Variants in USP12 observed in about 807,000 individuals in gnomAD.
The protein encoded by USP12 is ubiquitin specific peptidase 12, also known as ubiquitin carboxyl-terminal hydrolase 12.
USP12 carries 19 observed loss-of-function variants against 45.5 expected under a neutral mutation model. That is an observed-to-expected ratio of 0.42 (90% CI 0.29 to 0.61). The LOEUF is 0.61. USP12 is among the 20% of genes least tolerant of loss of function. The probability of loss-of-function intolerance (pLI) is 0.22; values close to 1 mark genes in which losing one functional copy is unlikely to be tolerated. For missense variants in USP12, 242 were observed against 447.7 expected (o/e 0.54, Z 4.15); for synonymous variants, 149 against 148.8 (o/e 1.00, Z -0.01).
chr13:27,133,911 C>T (rs955556674), intron 1 of USP12, among the ~76,000 whole-genome samples: 1 of 152,222 alleles, frequency 6.6e-6, no homozygotes, highest in African/African-American at 2.4e-5. Context: ...GCAATAGGAT[C>T]ACGTGAGCCC....
Position 27,171,716 on chromosome 13 carries a change from C to T in USP12, c.-77G>A, listed in dbSNP as rs1451036604. On this transcript the variant is annotated 5_prime_UTR_variant, in exon 1 of 9. Coordinates refer to ENST00000282344, the MANE Select transcript of USP12 (RefSeq NM_182488.4). ...GGAGGGGAGCCGGGCCGCCCGCTCG[C>T]ACCGCAGCCCGCGGGCGGACCCCGA... 7.1e-6 allele frequency: 7 copies of T among 983,182 alleles called. No individual in the cohort carries two copies. The highest frequency in any genetic ancestry group is 8.9e-6 in the Non-Finnish European group (7 of 784,292). 60.9% of individuals were successfully genotyped at this position (983,182 alleles called of 1,614,324 possible).
chr13:27,097,206 C>G (rs1874627648), intron 3 of USP12, among the ~76,000 whole-genome samples: 1 of 151,040 alleles, frequency 6.6e-6, no homozygotes, highest in Non-Finnish European at 1.5e-5. Flanking sequence ...GTGGCTCATG[C>G]CTATAATCCA....
At position 27,066,427 on chromosome 13, in the gene USP12, TA is replaced by T. The variant is rs1297125693; in HGVS notation, c.*2855del. ...AAATACCTCATGATAGAATCTTTAA[TA>T]AAAAGTGTTTTTAAAGAAAGTATCA... is the stretch of plus-strand genomic sequence containing the variant. On this transcript the variant is annotated 3_prime_UTR_variant, in exon 9 of 9. Transcript: ENST00000282344. The T allele has an allele frequency of 6.6e-6, 1 of 152,238 alleles. No individual in the cohort carries two copies. Among genetic ancestry groups the T allele is most frequent in the African/African-American group, 2.4e-5 (1 of 41,530 alleles). 9.4% of individuals were successfully genotyped at this position (152,238 alleles called of 1,614,324 possible).
intron 1 of USP12, among the ~76,000 whole-genome samples, chr13:27,155,287 T>C (rs995641609): frequency 6.6e-6 from 1 of 151,900 alleles, no homozygotes; most frequent in Admixed American, 6.6e-5. Context: ...TTCACCATGT[T>C]GGCCAAGATG....
At chr13:27,120,306 T>C (rs1875924763) in intron 1 of USP12, among the ~76,000 whole-genome samples, 1 of 152,194 alleles carries the variant, frequency 6.6e-6, no homozygotes, top group Admixed American at 6.5e-5. Context: ...CAATAGCTTT[T>C]ATGAAATCAG....
intron 1 of USP12, among the ~76,000 whole-genome samples, chr13:27,151,059 T>C (rs1181594748): frequency 6.6e-6 from 1 of 152,188 alleles, no homozygotes; most frequent in Admixed American, 6.5e-5. Flanking sequence ...CCAGACGCTG[T>C]GGCTCACATC....
chr13:27,070,540 C>A (rs1439142347), intron 8 of USP12, among the ~76,000 whole-genome samples: 1 of 150,076 alleles, frequency 6.7e-6, no homozygotes, highest in Non-Finnish European at 1.5e-5. Flanking sequence ...TTGTTGAAAG[C>A]TTTCCCTTGT....
At chr13:27,077,896 T>G (rs1397964310) in intron 6 of USP12, 1 of 151,258 alleles carries the variant, frequency 6.6e-6, no homozygotes, top group Non-Finnish European at 1.5e-5. Flanking sequence ...TCTTGATCAC[T>G]GTCATTGTTT....
chr13:27,098,387 AC>A, intron 3 of USP12, among the ~76,000 whole-genome samples: 1 of 152,186 alleles, frequency 6.6e-6, no homozygotes, highest in Non-Finnish European at 1.5e-5. Flanking sequence ...CCTTTACAAA[AC>A]AAGAAAAAAA....
intron 6 of USP12, among the ~76,000 whole-genome samples, chr13:27,077,035 C>T (rs546987500): frequency 6.6e-6 from 1 of 152,078 alleles, no homozygotes; most frequent in African/African-American, 2.4e-5. Flanking sequence ...AGTTCTTTTA[C>T]ATTGTAAAAA....
chr13:27,114,690 T>C (rs1593191926), intron 2 of USP12, among the ~76,000 whole-genome samples: 1 of 151,986 alleles, frequency 6.6e-6, no homozygotes, highest in Non-Finnish European at 1.5e-5. Context: ...AAACAGGTTG[T>C]CATTAAAGCA....
chr13:27,085,429 C>T (rs1183271352), intron 6 of USP12, among the ~76,000 whole-genome samples: 1 of 152,134 alleles, frequency 6.6e-6, no homozygotes, highest in East Asian at 1.9e-4. Flanking sequence ...GATCTGCCCA[C>T]CTTGGCCTCC....
chr13:27,116,239 G>C (rs1875731132), intron 2 of USP12, among the ~76,000 whole-genome samples: 2 of 151,206 alleles, frequency 1.3e-5, no homozygotes, highest in South Asian at 2.1e-4. Flanking sequence ...GTGAACCCGG[G>C]AGGCAGACGT....
intron 6 of USP12, among the ~76,000 whole-genome samples, chr13:27,086,188 AAAAAAAAAAATAT>A (rs1315694899): frequency 6.8e-4 from 69 of 101,212 alleles, no homozygotes; most frequent in African/African-American, 2.3e-3. Flanking sequence ...AAAAAAAAAA[AAAAAAAAAAATAT>A]ATATATATAT....
intron 6 of USP12, 72 bp from the exon 7 acceptor site, chr13:27,075,460 C>A: frequency 8.9e-6 from 12 of 1,352,680 alleles, no homozygotes; most frequent in African/African-American, 1.5e-5. Context: ...TCAAACTTTA[C>A]GATATCCAAT....
At chr13:27,151,420 T>C (rs1429653239) in intron 1 of USP12, among the ~76,000 whole-genome samples, 1 of 151,918 alleles carries the variant, frequency 6.6e-6, no homozygotes, top group Non-Finnish European at 1.5e-5. Context: ...AGACAACCCA[T>C]AGAATGGGAG....
intron 7 of USP12, among the ~76,000 whole-genome samples, chr13:27,074,356 C>T (rs1379874981): frequency 2.0e-5 from 3 of 151,804 alleles, no homozygotes; most frequent in African/African-American, 4.8e-5. Context: ...GCCGAGATGG[C>T]GCCACTGCAC....
intron 1 of USP12, among the ~76,000 whole-genome samples, chr13:27,148,627 T>TCAC (rs1877417315): frequency 7.0e-6 from 1 of 143,266 alleles, no homozygotes; most frequent in Admixed American, 7.1e-5. Flanking sequence ...TGAGCCCAGA[T>TCAC]CACACCACTG....
intron 6 of USP12, among the ~76,000 whole-genome samples, chr13:27,084,428 C>T (rs1490544582): frequency 6.7e-6 from 1 of 150,170 alleles, no homozygotes; most frequent in African/African-American, 2.5e-5. Context: ...ATCGCTTGAA[C>T]CCGGGAGCTG....
Sources: gnomAD v4.1 joint callset for allele counts (sites outside exome capture counted in the v4.1 genomes callset) on GRCh38, gnomAD v4.1.1 for gene constraint, MANE v1.5 for transcripts, NCBI Gene and HGNC (gene_info 2026-07-23, HGNC 2026-07-21) for gene names.